The following SLX4 variants were observed in gnomAD, a reference collection of about 807,000 sequenced individuals.
SLX4 encodes the protein SLX4 structure-specific endonuclease subunit, also known as structure-specific endonuclease subunit SLX4.
Under a neutral mutation model 146.2 loss-of-function variants are expected in SLX4, and 112 were observed. That is an observed-to-expected ratio of 0.77 (90% CI 0.66 to 0.90). The LOEUF is 0.90. Ranked by LOEUF, SLX4 falls within the 40% of genes least tolerant of loss-of-function variation. The probability of loss-of-function intolerance (pLI) is 0.00; values close to 1 mark genes in which losing one functional copy is unlikely to be tolerated. For missense variants in SLX4, 2,563 were observed against 2,392.7 expected (o/e 1.07, Z -1.49); for synonymous variants, 1,061 against 997.7 (o/e 1.06, Z -1.20).
rs776741014 is a variant in SLX4 at position 3,594,421 on chromosome 16, A to G, written c.2160+32T>C. 21 of 1,599,222 alleles carry G rather than the reference A, an allele frequency of 1.3e-5. No homozygotes were observed. In the African/African-American group the frequency reaches 2.4e-4, roughly 18 times the overall value. On this transcript the variant is annotated intron_variant, in intron 10 of 14. Coordinates refer to ENST00000294008, the MANE Select transcript of SLX4 (RefSeq NM_032444.4). ...GCAGGAGGAGAGAGGGAGAGAGAGGAAAGGAGGGCACACGGCAGCCCACGT... is the reference window on the plus strand; with the variant it reads ...GCAGGAGGAGAGAGGGAGAGAGAGGGAAGGAGGGCACACGGCAGCCCACGT...
rs1300715525 is a variant in SLX4, at chr16:3,590,789, T to C, written c.2849A>G (p.Glu950Gly). Reference protein sequence around the residue: ...GAEAPEQEAPEEALGHSSCSS... With the variant: ...GAEAPEQEAPGEALGHSSCSS... ...GCAGCTGGAATGGCCAAGCGCCTCC[T>C]CTGGCGCCTCCTGCTCAGGGGCCTC... Residue 950 changes from glutamate (E) to glycine (G), a missense_variant, in exon 12 of 15, where the codon GAG (glutamate) becomes GGG (glycine). Glu to Gly is a moderately conservative substitution (Grantham distance 98). Coordinates refer to ENST00000294008, the MANE Select transcript of SLX4 (RefSeq NM_032444.4). The surrounding 1 kb of genome is among the most constrained non-coding windows in gnomAD (Gnocchi z 4.8). 8.1e-6 allele frequency: 13 copies of C among 1,614,074 alleles called. No homozygotes were observed. Among genetic ancestry groups the C allele is most frequent in the South Asian group, 2.2e-5 (2 of 91,088 alleles).
chr16:3,609,007 G>A lies in SLX4; in HGVS notation c.-43C>T. On this transcript the variant is annotated 5_prime_UTR_variant, in exon 2 of 15. Transcript: ENST00000294008. Reference sequence around the variant, plus strand: ...TCTCCATTAGATACTTGGAGAGTTTGCACAATTGAACAAAAAGTACTGTTT... The same window carrying A: ...TCTCCATTAGATACTTGGAGAGTTTACACAATTGAACAAAAAGTACTGTTT... 1 of 1,597,474 alleles carries A rather than the reference G, an allele frequency of 6.3e-7. No homozygotes were observed. Among genetic ancestry groups the A allele is most frequent in the Non-Finnish European group, 8.5e-7 (1 of 1,174,268 alleles).
rs1319829538 is a variant in SLX4, at chr16:3,600,998, T to G, written c.1144A>C (p.Ser382Arg). ...RLQTAQPEGS[S>R]SPPMFSFSDH... ...ACTTACCTGAACATGGGTGGGCTGC[T>G]GCTACCCTCAGGCTGTGCTGTCTGC... Residue 382 changes from serine (S) to arginine (R), a missense_variant, in exon 5 of 15, where the codon AGC (serine) becomes CGC (arginine). By Grantham distance (110) the Ser-to-Arg change is moderately radical. Coordinates refer to ENST00000294008, the MANE Select transcript of SLX4 (RefSeq NM_032444.4). 1 of 1,613,752 alleles carries G rather than the reference T, an allele frequency of 6.2e-7. No individual in the cohort carries two copies. Among genetic ancestry groups the G allele is most frequent in the African/African-American group, 1.3e-5 (1 of 74,922 alleles).
chr16:3,590,587 C>T lies in SLX4; in HGVS notation c.3051G>A (p.Glu1017=), dbSNP rs1306302241. 7 of 1,613,556 alleles carry T rather than the reference C, an allele frequency of 4.3e-6. No homozygotes were observed. The highest frequency in any genetic ancestry group is 3.3e-5 in the South Asian group (3 of 91,084). The change falls in exon 12 of 15, where the codon GAG becomes GAA. Residue 1017 remains glutamate (E), a synonymous_variant. Transcript: ENST00000294008. This position sits in a 1 kb window ranked among gnomAD's most constrained non-coding sequence, Gnocchi z 4.8. ...GCCAGGGAGCCAGGCGATGAGAAAC[C>T]TCCAGCCCCCTTTCCCTGACAGCGC... ...QSGAVRERGL[E]VSHRLAPWQA... is the part of the protein sequence containing the mutation.
At chr16:3,584,942 G>A (rs1399972772) in intron 12 of SLX4, 71 bp from the exon 13 acceptor site, 9 of 1,087,614 alleles carry the variant, frequency 8.3e-6, no homozygotes, top group East Asian at 4.7e-5. Flanking sequence ...TCCCAGTAGC[G>A]TGACCAAGAG....
chr16:3,605,938 C>T (rs1400946681), intron 3 of SLX4, among the ~76,000 whole-genome samples: 9 of 103,436 alleles, frequency 8.7e-5, no homozygotes, highest in African/African-American at 1.6e-4. Flanking sequence ...CGGAGCGAGA[C>T]TCCATCTCAA....
In SLX4 at chr16:3,608,628, A is replaced by G. The variant is rs909538045; in HGVS notation, c.337T>C (p.Ser113Pro). Residue 113 changes from serine to proline, a missense_variant, in exon 2 of 15, where the codon TCT becomes CCT. By Grantham distance (74) the Ser-to-Pro change is moderately conservative (BLOSUM62 -1). Coordinates refer to ENST00000294008, the MANE Select transcript of SLX4 (RefSeq NM_032444.4). ...LQGPAEKKPPSGSQAPRTKKQ... is the reference protein window; with the variant it reads ...LQGPAEKKPPPGSQAPRTKKQ... The stretch of plus-strand genomic sequence containing the variant: ...TTAGTCCTAGGGGCCTGGCTGCCAG[A>G]CGGAGGTTTCTTCTCTGCAGGGCCT... The G allele has an allele frequency of 2.5e-6, 4 of 1,614,008 alleles. No individual in the cohort carries two copies. The African/African-American group carries it at 4.0e-5, about 16-fold the overall frequency.
Position 3,606,699 on chromosome 16 carries a change from C to T in SLX4, c.536-1G>A. ...TGGGAGTCGCTGTTGGGCACATTCT[C>T]TGGCAAGGAGGAAAATATTCACAAC... On this transcript the variant is annotated splice_acceptor_variant, in intron 2 of 14. Coordinates refer to ENST00000294008, the MANE Select transcript of SLX4 (RefSeq NM_032444.4). LOFTEE classifies it high-confidence loss of function. The T allele has an allele frequency of 6.2e-7, 1 of 1,614,044 alleles. No homozygotes were observed. The highest frequency in any genetic ancestry group is 8.5e-7 in the Non-Finnish European group (1 of 1,180,004).
intron 10 of SLX4, among the ~76,000 whole-genome samples, chr16:3,594,063 T>TGG (rs2040622227): frequency 6.6e-6 from 1 of 151,986 alleles, no homozygotes; most frequent in Admixed American, 6.6e-5. Context: ...TAGTAGAGAC[T>TGG]GGTTTCACTG....
intron 12 of SLX4, among the ~76,000 whole-genome samples, chr16:3,585,436 A>G (rs1253247172): frequency 6.6e-6 from 1 of 151,886 alleles, no homozygotes; most frequent in South Asian, 2.1e-4. Context: ...AATACAAAAA[A>G]TTAGCTGGGC....
rs944918951 is a variant in SLX4 at position 3,581,369 on chromosome 16, T to G, written c.*973A>C. On this transcript the variant is annotated 3_prime_UTR_variant, in exon 15 of 15. Coordinates refer to ENST00000294008, the MANE Select transcript of SLX4 (RefSeq NM_032444.4). Reference sequence around the variant, plus strand: ...AAAGAATGGAATCCGCTAGTGAACATGTTTGTTTTGTGGTGGCATCAGAGT... The same window carrying G: ...AAAGAATGGAATCCGCTAGTGAACAGGTTTGTTTTGTGGTGGCATCAGAGT... 4 of 152,614 alleles carry G rather than the reference T, an allele frequency of 2.6e-5. No individual in the cohort carries two copies. The highest frequency in any genetic ancestry group is 7.2e-5 in the African/African-American group (3 of 41,436). The allele number at this position is 152,614 out of a possible 1,614,324, so 9.5% of individuals were successfully genotyped here.
rs948632545 is a variant in SLX4, at chr16:3,600,991, G to T, written c.1151C>A (p.Pro384Gln). ...QTAQPEGSSSPPMFSFSDHSR... is the reference protein window; with the variant it reads ...QTAQPEGSSSQPMFSFSDHSR... ...TTCGTCGACTTACCTGAACATGGGT[G>T]GGCTGCTGCTACCCTCAGGCTGTGC... The change falls in exon 5 of 15, where the codon CCA (proline) becomes CAA (glutamine). Residue 384 changes from proline to glutamine, a missense_variant. By Grantham distance (76) the Pro-to-Gln change is moderately conservative (BLOSUM62 -1). Transcript: ENST00000294008. 1 of 1,613,562 alleles carries T rather than the reference G, an allele frequency of 6.2e-7. No individual in the cohort carries two copies. The highest frequency in any genetic ancestry group is 1.7e-5 in the Admixed American group (1 of 60,002).
Position 3,609,179 on chromosome 16 carries a change from G to T in SLX4, c.-215C>A. 1.9e-6 allele frequency: 1 copy of T among 520,110 alleles called. No homozygotes were observed. The highest frequency in any genetic ancestry group is 3.4e-6 in the Non-Finnish European group (1 of 289,896). 32.2% of individuals were successfully genotyped at this position (520,110 alleles called of 1,614,324 possible). A position where few individuals can be genotyped will look rare whatever the true frequency, so the allele number is the denominator to read the frequency against. ...AGCTCTTTTGGAGGACGAGGCGGGG[G>T]GTGGATCACCTGAGGTCAGAAGTTC... On this transcript the variant is annotated 5_prime_UTR_variant, in exon 2 of 15. Transcript: ENST00000294008.
In SLX4 at chr16:3,608,621, CT is replaced by C; in HGVS notation, c.343del (p.Ser115AlafsTer11). On this transcript the variant is annotated frameshift_variant, in exon 2 of 15. Transcript: ENST00000294008. LOFTEE classifies it high-confidence loss of function. ...TTGCTTTTTAGTCCTAGGGGCCTGG[CT>C]GCCAGACGGAGGTTTCTTCTCTGCA... ...GPAEKKPPSG[S>X]QAPRTKKQRV... 1.2e-6 allele frequency: 2 copies of C among 1,614,078 alleles called. No individual in the cohort carries two copies. The highest frequency in any genetic ancestry group is 4.5e-5 in the East Asian group (2 of 44,898).
At chr16:3,583,570 T>C (rs1237623679) in intron 13 of SLX4, 60 bp from the exon 14 acceptor site, 8 of 1,590,106 alleles carry the variant, frequency 5.0e-6, no homozygotes, top group Admixed American at 3.3e-5. Context: ...CACTCCACGT[T>C]CCCTATCTTA....
At position 3,590,247 on chromosome 16, in the gene SLX4, G is replaced by C. The variant is rs1235991596; in HGVS notation, c.3391C>G (p.Pro1131Ala). 3.7e-6 allele frequency: 6 copies of C among 1,614,198 alleles called. No homozygotes were observed. The highest frequency in any genetic ancestry group is 5.1e-6 in the Non-Finnish European group (6 of 1,180,038). ...SPSIDLTQSNPDHSSSRSQKS... is the reference protein window; with the variant it reads ...SPSIDLTQSNADHSSSRSQKS... ...TGAGATCTGGAGCTCGAATGGTCAG[G>C]ATTTGACTGGGTTAGGTCAATAGAC... is the stretch of plus-strand genomic sequence containing the variant. The change falls in exon 12 of 15, where the codon CCT becomes GCT. Residue 1131 changes from proline to alanine, a missense_variant. By Grantham distance (27) the Pro-to-Ala change is conservative. Transcript: ENST00000294008. This position sits in a 1 kb window ranked among gnomAD's most constrained non-coding sequence, Gnocchi z 4.8.
At position 3,589,282 on chromosome 16, in the gene SLX4, G is replaced by A. The variant is rs2040545858; in HGVS notation, c.4356C>T (p.Ser1452=). 3.1e-6 allele frequency: 5 copies of A among 1,594,018 alleles called. No individual in the cohort carries two copies. Among genetic ancestry groups the A allele is most frequent in the African/African-American group, 1.3e-5 (1 of 74,352 alleles). ...NLERTGPLST[S]SPSRRMNEAA... is the part of the protein sequence containing the mutation. Reference sequence around the variant, plus strand: ...CCTCGTTCATCCTGCGGCTGGGGCTGCTGGTGCTCAGGGGGCCGGTCCGCT... The same window carrying A: ...CCTCGTTCATCCTGCGGCTGGGGCTACTGGTGCTCAGGGGGCCGGTCCGCT... Residue 1452 remains serine, a synonymous_variant, in exon 12 of 15, where the codon AGC becomes AGT. Coordinates refer to ENST00000294008, the MANE Select transcript of SLX4 (RefSeq NM_032444.4). This position sits in a 1 kb window ranked among gnomAD's most constrained non-coding sequence, Gnocchi z 6.2.
At chr16:3,583,544 C>T in intron 13 of SLX4, 34 bp from the exon 14 acceptor site, 1 of 1,612,524 alleles carries the variant, frequency 6.2e-7, no homozygotes. Flanking sequence ...CAGGACCCAC[C>T]CACACAGCTG....
At chr16:3,586,513 C>A (rs2040510156) in intron 12 of SLX4, among the ~76,000 whole-genome samples, 1 of 151,520 alleles carries the variant, frequency 6.6e-6, no homozygotes, top group South Asian at 2.1e-4. Flanking sequence ...AGAGCAAGAC[C>A]CCTGACTCAA....
Sources: gnomAD v4.1 joint callset for allele counts (sites outside exome capture counted in the v4.1 genomes callset) on GRCh38, gnomAD v4.1.1 for gene constraint, Gnocchi (gnomAD v3.1) non-coding constraint, MANE v1.5 for transcripts, NCBI Gene and HGNC (gene_info 2026-07-23, HGNC 2026-07-21) for gene names.